HIP1: variants seen among roughly 807,000 people sequenced by gnomAD.
The protein encoded by HIP1 is huntingtin-interacting protein 1.
In HIP1, 65 loss-of-function variants were observed where a neutral mutation model predicts 147.6. The observed-to-expected ratio is 0.44, with a 90% CI of 0.36 to 0.54. The LOEUF (loss-of-function observed/expected upper bound fraction) is 0.54. Among genes scored for constraint, HIP1 ranks in the 20% least tolerant of loss-of-function variants. HIP1 has a pLI of 0.00. For synonymous variants in HIP1, 479 were observed against 504.0 expected, an observed-to-expected ratio of 0.95 and a Z score of 0.67; for missense variants, 1,061 against 1,299.6, an observed-to-expected ratio of 0.82 and a Z score of 2.82.
intron 1 of HIP1, among the ~76,000 whole-genome samples, chr7:75,618,018 G>A (rs1041202276): frequency 2.0e-5 from 3 of 152,236 alleles, no homozygotes; most frequent in Admixed American, 6.5e-5. Context: ...GCTCCCGGGG[G>A]AAGCCTTCCG....
In HIP1 at chr7:75,591,194, A is replaced by C. The variant is rs1448698657; in HGVS notation, c.384+862T>G. Among the ~76,000 whole-genome samples the C allele has an allele frequency of 2.6e-5, 4 of 151,996 alleles. No homozygotes were observed. The East Asian group carries it at 5.8e-4, about 22-fold the overall frequency. Reference sequence around the variant, plus strand: ...ATTACAGGCACACGCCACCACACCCAGCTAATTTTTGTATTTTTAATAGAG... The same window carrying C: ...ATTACAGGCACACGCCACCACACCCCGCTAATTTTTGTATTTTTAATAGAG... On this transcript the variant is annotated intron_variant, in intron 4 of 30. Transcript: ENST00000336926.
chr7:75,621,263 C>A (rs1239185397), intron 1 of HIP1, among the ~76,000 whole-genome samples: 1 of 152,014 alleles, frequency 6.6e-6, no homozygotes, highest in Non-Finnish European at 1.5e-5. Context: ...GGGAAGAGTT[C>A]TAGGCACACG....
At chr7:75,732,912 A>AGGCTTGTCCAGGAGCCCCGC (rs1312183969) in intron 1 of HIP1, among the ~76,000 whole-genome samples, 1 of 152,110 alleles carries the variant, frequency 6.6e-6, no homozygotes, top group Non-Finnish European at 1.5e-5. Context: ...CAGAGCCCCA[A>AGGCTTGTCCAGGAGCCCCGC]GGCTTGTCCA....
intron 1 of HIP1, among the ~76,000 whole-genome samples, chr7:75,718,503 G>A (rs1377566931): frequency 6.6e-6 from 1 of 152,190 alleles, no homozygotes; most frequent in African/African-American, 2.4e-5. Flanking sequence ...CTCTGTACAT[G>A]TATACCTTTA....
chr7:75,623,162 C>T (rs1554507442), intron 1 of HIP1, among the ~76,000 whole-genome samples: 2 of 142,766 alleles, frequency 1.4e-5, no homozygotes, highest in Admixed American at 7.3e-5. Context: ...TGTGCCTCTG[C>T]ACTCCAGCCT....
intron 1 of HIP1, among the ~76,000 whole-genome samples, chr7:75,723,078 G>T (rs1172088426): frequency 6.6e-6 from 1 of 152,122 alleles, no homozygotes; most frequent in Non-Finnish European, 1.5e-5. Context: ...TATCACTGTT[G>T]TAACAAATTA....
At chr7:75,634,091 A>G (rs1328290773) in intron 1 of HIP1, among the ~76,000 whole-genome samples, 1 of 152,022 alleles carries the variant, frequency 6.6e-6, no homozygotes, top group African/African-American at 2.4e-5. Flanking sequence ...CCTCGTCTCT[A>G]CCAAAAATAA....
chr7:75,736,763 T>C (rs1196647881), intron 1 of HIP1, among the ~76,000 whole-genome samples: 4 of 151,546 alleles, frequency 2.6e-5, no homozygotes, highest in Non-Finnish European at 5.9e-5. Flanking sequence ...ACTTCCCTCC[T>C]GGGGTAGGAT....
At chr7:75,588,258 A>G (rs915479883) in intron 4 of HIP1, among the ~76,000 whole-genome samples, 1 of 152,210 alleles carries the variant, frequency 6.6e-6, no homozygotes, top group Non-Finnish European at 1.5e-5. Context: ...AGAATTCTCC[A>G]CAGATAAAAT....
intron 13 of HIP1, among the ~76,000 whole-genome samples, chr7:75,560,650 A>G (rs1031731027): frequency 6.6e-6 from 1 of 152,198 alleles, no homozygotes; most frequent in Admixed American, 6.6e-5. Context: ...TATCAATCAC[A>G]TGGATACTGT....
At chr7:75,579,806 C>T (rs1017063034) in intron 7 of HIP1, among the ~76,000 whole-genome samples, 1 of 152,156 alleles carries the variant, frequency 6.6e-6, no homozygotes, top group Non-Finnish European at 1.5e-5. Flanking sequence ...CCTGCCTGTC[C>T]ACATGCAGAG....
At chr7:75,665,213 G>T (rs887178990) in intron 1 of HIP1, among the ~76,000 whole-genome samples, 3 of 152,110 alleles carry the variant, frequency 2.0e-5, no homozygotes, top group African/African-American at 7.2e-5. Flanking sequence ...AGTGAGCTAT[G>T]ATCAAGCCAC....
At chr7:75,726,687 C>G (rs1193941240) in intron 1 of HIP1, among the ~76,000 whole-genome samples, 3 of 150,360 alleles carry the variant, frequency 2.0e-5, no homozygotes, top group Non-Finnish European at 4.4e-5. Flanking sequence ...GTAGAGGTAT[C>G]TCATTAAATG....
chr7:75,621,137 T>A (rs1400653717), intron 1 of HIP1, among the ~76,000 whole-genome samples: 1 of 151,664 alleles, frequency 6.6e-6, no homozygotes, highest in African/African-American at 2.4e-5. Flanking sequence ...AGCCCAGGAG[T>A]TTGAGGCTGC....
In HIP1 at chr7:75,571,395, A is replaced by G. The variant is rs1336461129; in HGVS notation, c.745+2366T>C. The stretch of plus-strand genomic sequence containing the variant: ...CCACTCCACCCTCTCAGCTCCCTTC[A>G]GGCAGGCCTACTTGCCGCAAAGCCC... On this transcript the variant is annotated intron_variant, in intron 8 of 30. Coordinates refer to ENST00000336926, the MANE Select transcript of HIP1 (RefSeq NM_005338.7). Among the ~76,000 whole-genome samples the G allele has an allele frequency of 2.0e-5, 3 of 152,244 alleles. No individual in the cohort carries two copies. In the East Asian group the frequency reaches 5.8e-4, roughly 29 times the overall value.
intron 1 of HIP1, among the ~76,000 whole-genome samples, chr7:75,684,351 G>A (rs1554517311): frequency 6.6e-6 from 1 of 151,072 alleles, no homozygotes; most frequent in East Asian, 1.9e-4. Flanking sequence ...GGGAGGCTGA[G>A]GCAGGAGACT....
chr7:75,709,683 G>T (rs1163239569), intron 1 of HIP1, among the ~76,000 whole-genome samples: 2 of 151,878 alleles, frequency 1.3e-5, no homozygotes, highest in Non-Finnish European at 2.9e-5. Flanking sequence ...TCTTTTTCTT[G>T]CCTAATTGCT....
At chr7:75,644,337 C>T (rs1798737624) in intron 1 of HIP1, among the ~76,000 whole-genome samples, 1 of 152,126 alleles carries the variant, frequency 6.6e-6, no homozygotes, top group East Asian at 1.9e-4. Context: ...TCTTGTTGCC[C>T]AGGCTGGAGT....
At chr7:75,638,312 C>A (rs1798513273) in intron 1 of HIP1, among the ~76,000 whole-genome samples, 1 of 151,884 alleles carries the variant, frequency 6.6e-6, no homozygotes. Flanking sequence ...ATCCTGGTAC[C>A]GGCTGAAGGC....
Sources: allele counts gnomAD v4.1 joint callset (sites outside exome capture counted in the v4.1 genomes callset), GRCh38; gene constraint gnomAD v4.1.1; transcripts MANE v1.5; gene names NCBI Gene and HGNC (gene_info 2026-07-23, HGNC 2026-07-21).